HIVEP2: variants seen among roughly 807,000 people sequenced by gnomAD.
HIVEP2 encodes HIVEP zinc finger 2.
In HIVEP2, 14 loss-of-function variants were observed where a neutral mutation model predicts 180.7. That is an observed-to-expected ratio of 0.08 (90% CI 0.05 to 0.12). HIVEP2 has a LOEUF of 0.12. Among genes scored for constraint, HIVEP2 ranks in the 10% least tolerant of loss-of-function variants. The pLI is 1.00. For synonymous variants in HIVEP2, 1,184 were observed against 1,136.4 expected (o/e 1.04, Z -0.84); for missense variants, 2,579 against 3,008.5 (o/e 0.86, Z 3.34).
chr6:142,862,061 G>A (rs1460187967), intron 1 of HIVEP2, among the ~76,000 whole-genome samples: 1 of 152,026 alleles, frequency 6.6e-6, no homozygotes, highest in South Asian at 2.1e-4. Flanking sequence ...AAGTTAGAGT[G>A]GCACATCAGC....
intron 2 of HIVEP2, among the ~76,000 whole-genome samples, chr6:142,807,460 G>C (rs1204892083): frequency 6.6e-6 from 1 of 152,166 alleles, no homozygotes; most frequent in Non-Finnish European, 1.5e-5. Context: ...GCTGGATGTA[G>C]TTCTGGCAAA....
chr6:142,859,834 CAAAAAAAA>C (rs56853043), intron 1 of HIVEP2, among the ~76,000 whole-genome samples: 1 of 73,612 alleles, frequency 1.4e-5, no homozygotes, highest in Non-Finnish European at 2.5e-5. Context: ...AACTCCGTCT[CAAAAAAAA>C]AAAAAAAAAA....
rs367885688 is a variant in HIVEP2, at chr6:142,759,907, T to C, written c.6381A>G (p.Arg2127=). The change falls in exon 9 of 10, where the codon AGA becomes AGG. Residue 2127 remains arginine (R), a synonymous_variant. Coordinates refer to ENST00000367603, the MANE Select transcript of HIVEP2 (RefSeq NM_006734.4). ...TTCTCTCTCTTCTAGGAGAGAGGTCTCTTCTTGCTGTGATATCTTTCCCAG... is the reference window on the plus strand; with the variant it reads ...TTCTCTCTCTTCTAGGAGAGAGGTCCCTTCTTGCTGTGATATCTTTCCCAG... The part of the protein sequence containing the change: ...VSPGKDITAR[R]DLSPRRERRY... 137 of 1,614,044 alleles carry C rather than the reference T, an allele frequency of 8.5e-5. No homozygotes were observed. The highest frequency in any genetic ancestry group is 1.1e-4 in the Non-Finnish European group (134 of 1,180,034).
At chr6:142,874,850 G>T (rs937505196) in intron 1 of HIVEP2, among the ~76,000 whole-genome samples, 14 of 152,086 alleles carry the variant, frequency 9.2e-5, no homozygotes, top group Non-Finnish European at 1.6e-4. Context: ...AGGGTCAGAG[G>T]TCCCCTGTCC....
At chr6:142,810,262 T>G (rs1776658547) in intron 2 of HIVEP2, among the ~76,000 whole-genome samples, 1 of 147,758 alleles carries the variant, frequency 6.8e-6, no homozygotes, top group African/African-American at 2.7e-5. Flanking sequence ...TGTTGATATA[T>G]TTTTTTCAAT....
intron 2 of HIVEP2, among the ~76,000 whole-genome samples, chr6:142,794,964 T>G (rs1302660185): frequency 1.3e-5 from 2 of 152,196 alleles, no homozygotes; most frequent in Admixed American, 1.3e-4. Flanking sequence ...TTCAGTGTCA[T>G]TTTGATTAAC....
chr6:142,771,139 T>G lies in HIVEP2; in HGVS notation c.3600A>C (p.Pro1200=), dbSNP rs781753172. 1.2e-4 allele frequency: 187 copies of G among 1,614,234 alleles called. 1 individual carries two copies. The South Asian group carries it at 1.8e-3, about 15-fold the overall frequency. ...GAAACTGAAACAAGGCATTCTGGAT[T>G]GGAGAAAATGGAATTGTCTCTTGAT... ...FPHQETIPFS[P]IQNALFQFQY... is the part of the protein sequence containing the mutation. Residue 1200 remains proline (P), a synonymous_variant, in exon 5 of 10, where the codon CCA becomes CCC. Transcript: ENST00000367603. This position sits in a 1 kb window ranked among gnomAD's most constrained non-coding sequence, Gnocchi z 5.4.
chr6:142,819,086 T>C lies in HIVEP2; in HGVS notation c.-528+17849A>G, dbSNP rs547429972. The stretch of plus-strand genomic sequence containing the variant: ...GGAGGGAAGGAAGGAAGGAAAAAAT[T>C]AGCTGGGCATGGTGGTGTGCACCTG... On this transcript the variant is annotated intron_variant, in intron 2 of 9. Coordinates refer to ENST00000367603, the MANE Select transcript of HIVEP2 (RefSeq NM_006734.4). Among the ~76,000 whole-genome samples, 20 of 151,514 alleles carry C rather than the reference T, an allele frequency of 1.3e-4. No individual in the cohort carries two copies. In the East Asian group the frequency reaches 3.5e-3, roughly 27 times the overall value.
intron 1 of HIVEP2, among the ~76,000 whole-genome samples, chr6:142,935,312 C>T (rs1778025597): frequency 6.6e-6 from 1 of 152,186 alleles, no homozygotes; most frequent in African/African-American, 2.4e-5. Context: ...CTTTGGGAGG[C>T]TAAGGCGGGG....
intron 1 of HIVEP2, among the ~76,000 whole-genome samples, chr6:142,871,462 A>G (rs1776287545): frequency 6.6e-6 from 1 of 152,204 alleles, no homozygotes; most frequent in South Asian, 2.1e-4. Flanking sequence ...TGATTCCAAA[A>G]TAATTTTGAA....
intron 2 of HIVEP2, among the ~76,000 whole-genome samples, chr6:142,808,064 T>C (rs1776595665): frequency 6.6e-6 from 1 of 152,172 alleles, no homozygotes; most frequent in African/African-American, 2.4e-5. Flanking sequence ...TGGTTTACTG[T>C]CCATCCAGCC....
At chr6:142,911,139 T>TAAAAAAAAAAA (rs5880554) in intron 1 of HIVEP2, among the ~76,000 whole-genome samples, 1 of 106,230 alleles carries the variant, frequency 9.4e-6, no homozygotes, top group Admixed American at 9.4e-5. Context: ...ACAAACACAT[T>TAAAAAAAAAAA]AAAAAAAAAA....
chr6:142,902,563 T>G (rs1361433172), intron 1 of HIVEP2, among the ~76,000 whole-genome samples: 1 of 152,250 alleles, frequency 6.6e-6, no homozygotes, highest in Admixed American at 6.5e-5. Context: ...TAATATTGTT[T>G]AGATAGGAAT....
At chr6:142,852,900 T>C (rs1775724336) in intron 1 of HIVEP2, among the ~76,000 whole-genome samples, 2 of 152,240 alleles carry the variant, frequency 1.3e-5, no homozygotes, top group African/African-American at 4.8e-5. Context: ...TTCCTATCTT[T>C]GAAAAATTTG....
chr6:142,865,064 T>A (rs1776102900), intron 1 of HIVEP2, among the ~76,000 whole-genome samples: 1 of 152,200 alleles, frequency 6.6e-6, no homozygotes, highest in Non-Finnish European at 1.5e-5. Context: ...CTTGGCCATG[T>A]GAATTTTGTT....
At chr6:142,811,943 T>C (rs1776710147) in intron 2 of HIVEP2, among the ~76,000 whole-genome samples, 2 of 152,208 alleles carry the variant, frequency 1.3e-5, no homozygotes, top group Non-Finnish European at 2.9e-5. Context: ...GCTCTCAAGA[T>C]GCTGGGAGCC....
At chr6:142,764,274 A>T (rs1021555652) in intron 7 of HIVEP2, among the ~76,000 whole-genome samples, 1 of 152,250 alleles carries the variant, frequency 6.6e-6, no homozygotes, top group Non-Finnish European at 1.5e-5. Flanking sequence ...TGTACTGAGA[A>T]TCAGAAATTG....
intron 1 of HIVEP2, among the ~76,000 whole-genome samples, chr6:142,905,210 C>A (rs1016509159): frequency 4.6e-5 from 7 of 152,036 alleles, no homozygotes; most frequent in African/African-American, 1.7e-4. Context: ...AACCATCTAC[C>A]AATAAACTAT....
chr6:142,814,294 T>A (rs545927136), intron 2 of HIVEP2, among the ~76,000 whole-genome samples: 6 of 152,300 alleles, frequency 3.9e-5, no homozygotes, highest in African/African-American at 1.4e-4. Flanking sequence ...GTATTACTAA[T>A]GTATACCCTA....
Sources: gnomAD v4.1 joint callset for allele counts (sites outside exome capture counted in the v4.1 genomes callset) on GRCh38, gnomAD v4.1.1 for gene constraint, Gnocchi (gnomAD v3.1) non-coding constraint, MANE v1.5 for transcripts, NCBI Gene and HGNC (gene_info 2026-07-23, HGNC 2026-07-21) for gene names.